Variants in CNTNAP5 observed in about 807,000 individuals in gnomAD.
CNTNAP5 encodes contactin-associated protein-like 5.
CNTNAP5 carries 72 observed loss-of-function variants against 150.2 expected under a neutral mutation model. The ratio of observed to expected loss-of-function variants is 0.48; its 90% confidence interval spans 0.40 to 0.58. CNTNAP5 has a LOEUF of 0.58. Among genes scored for constraint, CNTNAP5 ranks in the 20% least tolerant of loss-of-function variants. The pLI is 0.00. For missense variants in CNTNAP5, 1,636 were observed against 1,626.2 expected (o/e 1.01, Z -0.10); for synonymous variants, 672 against 619.8 (o/e 1.08, Z -1.25).
In CNTNAP5 at chr2:124,366,993, T is replaced by C. The variant is rs1481844419; in HGVS notation, c.382-50450T>C. On this transcript the variant is annotated intron_variant, in intron 3 of 23. Coordinates refer to ENST00000682447, the MANE Select transcript of CNTNAP5 (RefSeq NM_001367498.1). ...CTGGAGGGGAATCTGGGCCACACAA[T>C]ATGGCACCACCCCAGGGGACATTGT... 2.0e-5 allele frequency among the ~76,000 whole-genome samples: 3 copies of C among 152,262 alleles called. No homozygotes were observed. The East Asian group carries it at 5.8e-4, about 30-fold the overall frequency.
intron 1 of CNTNAP5, among the ~76,000 whole-genome samples, chr2:124,175,514 T>G (rs904758760): frequency 6.6e-6 from 1 of 152,142 alleles, no homozygotes; most frequent in Non-Finnish European, 1.5e-5. Flanking sequence ...GCACGATACT[T>G]AGGTTTGGGG....
chr2:124,455,753 G>T (rs983704994), intron 6 of CNTNAP5, among the ~76,000 whole-genome samples: 7 of 151,998 alleles, frequency 4.6e-5, no homozygotes, highest in African/African-American at 1.7e-4. Flanking sequence ...ATGCAGGGAT[G>T]GTTTAACATA....
intron 13 of CNTNAP5, among the ~76,000 whole-genome samples, chr2:124,690,201 A>C (rs1314477105): frequency 6.6e-6 from 1 of 152,144 alleles, no homozygotes; most frequent in Non-Finnish European, 1.5e-5. Context: ...CTATTATAGA[A>C]ATGTGAAACT....
At chr2:124,428,328 A>G (rs1692290233) in intron 4 of CNTNAP5, among the ~76,000 whole-genome samples, 1 of 152,092 alleles carries the variant, frequency 6.6e-6, no homozygotes, top group Non-Finnish European at 1.5e-5. Context: ...ACCTCCTTCC[A>G]ATGGATGTAG....
Position 124,151,035 on chromosome 2 carries a change from A to G in CNTNAP5, c.83-70670A>G, listed in dbSNP as rs73954571. Among the ~76,000 whole-genome samples, 813 of 152,290 alleles carry G rather than the reference A, an allele frequency of 5.3e-3. 11 individuals carry two copies. Among genetic ancestry groups the G allele is most frequent in the African/African-American group, 0.019 (770 of 41,566 alleles). Reference sequence around the variant, plus strand: ...CATATGTGAATAACAGGGACACGGTATGCTGGAAGTGTCTGCTAGGGGTAG... The same window carrying G: ...CATATGTGAATAACAGGGACACGGTGTGCTGGAAGTGTCTGCTAGGGGTAG... On this transcript the variant is annotated intron_variant, in intron 1 of 23. Transcript: ENST00000682447.
In CNTNAP5 at chr2:124,196,269, G is replaced by A. The variant is rs765831406; in HGVS notation, c.83-25436G>A. Among the ~76,000 whole-genome samples the A allele has an allele frequency of 5.3e-4, 80 of 152,238 alleles. 1 individual carries two copies. Among genetic ancestry groups the A allele is most frequent in the Non-Finnish European group, 6.6e-4 (45 of 68,012 alleles). ...AGCATACTACAGTGGTTAAAAGCAA[G>A]GGACTGGAGTGGATTTTCAATCCAC... On this transcript the variant is annotated intron_variant, in intron 1 of 23. Coordinates refer to ENST00000682447, the MANE Select transcript of CNTNAP5 (RefSeq NM_001367498.1).
chr2:124,350,129 G>T (rs111245470), intron 3 of CNTNAP5, among the ~76,000 whole-genome samples: 1 of 151,632 alleles, frequency 6.6e-6, no homozygotes, highest in Admixed American at 6.6e-5. Flanking sequence ...TGATCCGCCC[G>T]CCTTTGCCTC....
In CNTNAP5 at chr2:124,747,294, C is replaced by T. The variant is rs774075892; in HGVS notation, c.2143C>T (p.Pro715Ser). 8.1e-6 allele frequency: 13 copies of T among 1,613,762 alleles called. No individual in the cohort carries two copies. In the South Asian group the frequency reaches 1.4e-4, roughly 18 times the overall value. The change falls in exon 14 of 24, where the codon CCT becomes TCT. Residue 715 changes from proline (P) to serine (S), a missense_variant. Transcript: ENST00000682447. ...AAGGCACCCTTACTGGGGAGGTTCCCCTCCTGGGGTCCAGCAGTGTGAGTG... is the reference window on the plus strand; with the variant it reads ...AAGGCACCCTTACTGGGGAGGTTCCTCTCCTGGGGTCCAGCAGTGTGAGTG... Reference protein sequence around the residue: ...NERHPYWGGSPPGVQQCECGL... With the variant: ...NERHPYWGGSSPGVQQCECGL...
chr2:124,340,207 A>G (rs1230781689), intron 3 of CNTNAP5, among the ~76,000 whole-genome samples: 3 of 152,186 alleles, frequency 2.0e-5, no homozygotes, highest in Non-Finnish European at 4.4e-5. Flanking sequence ...ATTCCTCCCA[A>G]ATTTAGCTTG....
At chr2:124,348,073 G>A (rs1573931946) in intron 3 of CNTNAP5, among the ~76,000 whole-genome samples, 2 of 152,000 alleles carry the variant, frequency 1.3e-5, no homozygotes, top group African/African-American at 2.4e-5. Flanking sequence ...CTAGTGAGCC[G>A]CCCGCGTCGG....
chr2:124,822,800 G>T (rs1351114837), intron 19 of CNTNAP5, among the ~76,000 whole-genome samples: 3 of 152,136 alleles, frequency 2.0e-5, no homozygotes, highest in Non-Finnish European at 2.9e-5. Flanking sequence ...CTTTTAGACA[G>T]TGTATGTCTT....
chr2:124,769,064 T>G (rs1681132763), intron 16 of CNTNAP5, among the ~76,000 whole-genome samples: 1 of 152,160 alleles, frequency 6.6e-6, no homozygotes, highest in East Asian at 1.9e-4. Context: ...ATCTCTCTCA[T>G]GCCAACCTGG....
chr2:124,199,160 G>T (rs954832270), intron 1 of CNTNAP5, among the ~76,000 whole-genome samples: 3 of 151,764 alleles, frequency 2.0e-5, no homozygotes, highest in African/African-American at 7.3e-5. Context: ...TTTACTATTA[G>T]CTTGTCATTG....
rs11441547 is a variant in CNTNAP5, at chr2:124,137,302, GT to G, written c.83-84394del. The stretch of plus-strand genomic sequence containing the variant: ...TTTATAATGTCTCTTTTCCTCTGTA[GT>G]TTTTTTTTCAAATTTGTTCTCCATG... On this transcript the variant is annotated intron_variant, in intron 1 of 23. Coordinates refer to ENST00000682447, the MANE Select transcript of CNTNAP5 (RefSeq NM_001367498.1). Among the ~76,000 whole-genome samples the G allele has an allele frequency of 2.3e-4, 35 of 150,796 alleles. 1 individual carries two copies. In the East Asian group the frequency reaches 3.1e-3, roughly 14 times the overall value.
At chr2:124,395,995 C>T (rs1049462245) in intron 3 of CNTNAP5, among the ~76,000 whole-genome samples, 12 of 152,172 alleles carry the variant, frequency 7.9e-5, no homozygotes, top group Admixed American at 5.9e-4. Flanking sequence ...GCAGGAATAG[C>T]ACCAAGACCC....
intron 17 of CNTNAP5, 93 bp downstream of exon 17, chr2:124,773,110 G>T: frequency 2.2e-6 from 2 of 901,902 alleles, no homozygotes; most frequent in East Asian, 4.9e-5. Flanking sequence ...TCTGAGATCT[G>T]GGATATGATC....
intron 1 of CNTNAP5, among the ~76,000 whole-genome samples, chr2:124,171,613 A>T (rs550608280): frequency 6.6e-6 from 1 of 152,148 alleles, no homozygotes; most frequent in Admixed American, 6.6e-5. Context: ...GCTTTCTCCT[A>T]TCTCTGGTGT....
chr2:124,272,344 T>G (rs574467076), intron 3 of CNTNAP5, among the ~76,000 whole-genome samples: 128 of 152,294 alleles, frequency 8.4e-4, no homozygotes, highest in Non-Finnish European at 1.6e-3. Context: ...AACTTTACTT[T>G]TAAATATGTT....
intron 1 of CNTNAP5, among the ~76,000 whole-genome samples, chr2:124,099,115 T>C (rs1174663405): frequency 6.6e-6 from 1 of 152,182 alleles, no homozygotes; most frequent in Non-Finnish European, 1.5e-5. Flanking sequence ...ATCCTCACAC[T>C]GTAAGCTCCA....
Sources: allele counts gnomAD v4.1 joint callset (sites outside exome capture counted in the v4.1 genomes callset), GRCh38; gene constraint gnomAD v4.1.1; transcripts MANE v1.5; gene names NCBI Gene and HGNC (gene_info 2026-07-23, HGNC 2026-07-21).